Variants in NLRP1 observed in about 807,000 individuals in gnomAD.
The protein encoded by NLRP1 is NLR family pyrin domain containing 1, also known as NACHT, LRR and PYD domains-containing protein 1.
In NLRP1, 94 loss-of-function variants were observed where a neutral mutation model predicts 136.7. That is an observed-to-expected ratio of 0.69 (90% CI 0.58 to 0.82). The LOEUF is 0.82. NLRP1 is among the 40% of genes least tolerant of loss of function. The pLI is 0.00. For missense variants in NLRP1, 1,575 were observed against 1,802.7 expected (o/e 0.87, Z 2.29); for synonymous variants, 690 against 725.1 (o/e 0.95, Z 0.78).
chr17:5,519,901 G>A (rs11651945), intron 14 of NLRP1, among the ~76,000 whole-genome samples: 15 of 122,106 alleles, frequency 1.2e-4, no homozygotes, highest in African/African-American at 4.9e-4. Flanking sequence ...CTATCACCTA[G>A]GCTGGAGTGC....
intron 12 of NLRP1, among the ~76,000 whole-genome samples, chr17:5,526,869 C>T (rs1909616336): frequency 6.6e-6 from 1 of 152,192 alleles, no homozygotes; most frequent in African/African-American, 2.4e-5. Context: ...AGGCTGAAAG[C>T]CTCAAGCTCT....
At chr17:5,574,946 G>A (rs1904858931) in intron 3 of NLRP1, among the ~76,000 whole-genome samples, 1 of 152,064 alleles carries the variant, frequency 6.6e-6, no homozygotes, top group African/African-American at 2.4e-5. Flanking sequence ...TTACAGGTGT[G>A]AGCCACCACG....
At chr17:5,507,400 A>C (rs1358159948) in intron 15 of NLRP1, among the ~76,000 whole-genome samples, 1 of 152,220 alleles carries the variant, frequency 6.6e-6, no homozygotes, top group Admixed American at 6.5e-5. Flanking sequence ...GCCATTAAAG[A>C]ATCAAGAAAT....
chr17:5,530,447 A>G lies in NLRP1; in HGVS notation c.3520+34T>C, dbSNP rs777466878. The G allele has an allele frequency of 3.2e-6, 5 of 1,582,094 alleles. No homozygotes were observed. In the Admixed American group the frequency reaches 6.7e-5, roughly 21 times the overall value. ...ACTCCCTTTCAGGCCCATAATTACC[A>G]CCACCTTCCTCCCTATCCTTCCCTG... On this transcript the variant is annotated intron_variant, in intron 12 of 16. Transcript: ENST00000572272.
At chr17:5,568,707 C>T (rs1206532178) in intron 3 of NLRP1, among the ~76,000 whole-genome samples, 2 of 152,102 alleles carry the variant, frequency 1.3e-5, no homozygotes, top group East Asian at 1.9e-4. Context: ...AAAGGCTTTC[C>T]AGATTTGAAA....
At chr17:5,533,551 GTTTTTTTTT>G (rs35006823) in intron 9 of NLRP1, among the ~76,000 whole-genome samples, 167 bp from the exon 10 acceptor site, 5 of 90,018 alleles carry the variant, frequency 5.6e-5, no homozygotes, top group Non-Finnish European at 8.5e-5. Flanking sequence ...GTGAGACTCT[GTTTTTTTTT>G]TTTTTTTTTT....
Position 5,541,755 on chromosome 17 carries a change from T to A in NLRP1, c.2699+102A>T. On this transcript the variant is annotated intron_variant, in intron 6 of 16. Coordinates refer to ENST00000572272, the MANE Select transcript of NLRP1 (RefSeq NM_033004.4). The surrounding 1 kb of genome is among the most constrained non-coding windows in gnomAD (Gnocchi z 4.2). ...CTGAGATCCTGTAGGCTCCTCCCACTCCCACAAAGCAGGTCTCACCTTCTC... is the reference window on the plus strand; with the variant it reads ...CTGAGATCCTGTAGGCTCCTCCCACACCCACAAAGCAGGTCTCACCTTCTC... 8.3e-7 allele frequency: 1 copy of A among 1,198,800 alleles called. No homozygotes were observed. The highest frequency in any genetic ancestry group is 1.9e-5 in the Admixed American group (1 of 51,658). The allele number at this position is 1,198,800 out of a possible 1,614,324, so 74.3% of individuals were successfully genotyped here.
intron 5 of NLRP1, among the ~76,000 whole-genome samples, chr17:5,544,586 G>A (rs1912318844): frequency 6.6e-6 from 1 of 152,198 alleles, no homozygotes; most frequent in South Asian, 2.1e-4. Flanking sequence ...GACAAACACT[G>A]CTAGTGTCCC....
At chr17:5,517,955 C>T (rs1460958924) in intron 14 of NLRP1, 68 bp from the exon 15 acceptor site, 1 of 1,515,150 alleles carries the variant, frequency 6.6e-7, no homozygotes, top group East Asian at 2.3e-5. Flanking sequence ...CCACCTGACA[C>T]CTTCTTGGCC....
chr17:5,534,669 C>T (rs1910789523), intron 8 of NLRP1, among the ~76,000 whole-genome samples: 2 of 152,296 alleles, frequency 1.3e-5, no homozygotes, highest in South Asian at 2.1e-4. Flanking sequence ...TGCTTCTGCT[C>T]GGGTCCCTCT....
Position 5,584,044 on chromosome 17 carries a change from C to T in NLRP1, c.-87G>A. On this transcript the variant is annotated 5_prime_UTR_variant, in exon 1 of 17. Coordinates refer to ENST00000572272, the MANE Select transcript of NLRP1 (RefSeq NM_033004.4). ...GGCAGAGAACAGTGCTGTCCTTTGC[C>T]TTGGCTCTTACCGTCTCTTATTCAG... 7.5e-7 allele frequency: 1 copy of T among 1,335,742 alleles called. No individual in the cohort carries two copies. The highest frequency in any genetic ancestry group is 1.0e-6 in the Non-Finnish European group (1 of 981,938). 82.7% of individuals were successfully genotyped at this position (1,335,742 alleles called of 1,614,324 possible). A position where few individuals can be genotyped will look rare whatever the true frequency, so the allele number is the denominator to read the frequency against.
intron 15 of NLRP1, chr17:5,502,522 C>T (rs927296362): frequency 5.9e-5 from 9 of 153,738 alleles, no homozygotes; most frequent in African/African-American, 2.2e-4. Flanking sequence ...ACTTCCTGAC[C>T]TCAAGTGATC....
At chr17:5,524,533 A>C (rs1909293889) in intron 12 of NLRP1, among the ~76,000 whole-genome samples, 1 of 152,216 alleles carries the variant, frequency 6.6e-6, no homozygotes. Flanking sequence ...AAAGCGTGTG[A>C]GATGGTATGA....
chr17:5,532,879 C>G lies in NLRP1; in HGVS notation c.3239G>C (p.Trp1080Ser), dbSNP rs1293757516. The stretch of plus-strand genomic sequence containing the variant: ...AGTAGCCACAGGCCCCGTGGGGCCC[C>G]AGAAGTCATCGTCAGTCCCCAAAGG... Reference protein sequence around the residue: ...TKPLGTDDDFWGPTGPVATEV... With the variant: ...TKPLGTDDDFSGPTGPVATEV... Residue 1080 changes from tryptophan to serine, a missense_variant, in exon 11 of 17, where the codon TGG (tryptophan) becomes TCG (serine). Physicochemically the swap from Trp to Ser is radical, Grantham distance 177. Coordinates refer to ENST00000572272, the MANE Select transcript of NLRP1 (RefSeq NM_033004.4). The G allele has an allele frequency of 1.9e-6, 3 of 1,613,720 alleles. No individual in the cohort carries two copies. Among genetic ancestry groups the G allele is most frequent in the Non-Finnish European group, 1.7e-6 (2 of 1,179,786 alleles).
At position 5,559,838 on chromosome 17, in the gene NLRP1, T is replaced by C. The variant is rs1305905392; in HGVS notation, c.858A>G (p.Arg286=). ...QKFTQLLLLQ[R]PHPRSQDPLV... ...GGGGATCTTGGCTTCTGGGGTGAGGTCTTTGTAGAAGTAGCAGCTGTGTGA... is the reference window on the plus strand; with the variant it reads ...GGGGATCTTGGCTTCTGGGGTGAGGCCTTTGTAGAAGTAGCAGCTGTGTGA... The change falls in exon 4 of 17, where the codon AGA becomes AGG. Residue 286 remains arginine (R), a synonymous_variant. Transcript: ENST00000572272. 6.2e-7 allele frequency: 1 copy of C among 1,614,102 alleles called. No individual in the cohort carries two copies. Among genetic ancestry groups the C allele is most frequent in the African/African-American group, 1.3e-5 (1 of 74,936 alleles).
At chr17:5,566,450 T>G (rs1301879710) in intron 3 of NLRP1, among the ~76,000 whole-genome samples, 3 of 152,134 alleles carry the variant, frequency 2.0e-5, no homozygotes, top group African/African-American at 7.2e-5. Flanking sequence ...ATTGTTTAAT[T>G]TTCATGTATT....
At position 5,517,878 on chromosome 17, in the gene NLRP1, G is replaced by A; in HGVS notation, c.3925C>T (p.Leu1309Phe). Reference protein sequence around the residue: ...MLEILPKELELCYRSPGEDQL... With the variant: ...MLEILPKELEFCYRSPGEDQL... ...TCTTCTCCAGGGCTTCGATAGCAGA[G>A]CTCCAGTTCCTGAAGAGGCAAAGAG... Residue 1309 changes from leucine to phenylalanine, a missense_variant, in exon 15 of 17, where the codon CTC becomes TTC. Transcript: ENST00000572272. 1 of 1,614,096 alleles carries A rather than the reference G, an allele frequency of 6.2e-7. No homozygotes were observed. Among genetic ancestry groups the A allele is most frequent in the Non-Finnish European group, 8.5e-7 (1 of 1,180,012 alleles).
Position 5,517,768 on chromosome 17 carries a change from C to T in NLRP1, c.4035G>A (p.Val1345=). The part of the protein sequence containing the change: ...QVKDKKDETL[V]WEALVKPGDL... ...TACCTGGTTTCACCAAGGCCTCCCA[C>T]ACCAGAGTCTCATCTTTCTTGTCTT... The change falls in exon 15 of 17, where the codon GTG becomes GTA. Residue 1345 remains valine, a synonymous_variant. Transcript: ENST00000572272. 6.2e-7 allele frequency: 1 copy of T among 1,614,244 alleles called. No homozygotes were observed. Among genetic ancestry groups the T allele is most frequent in the Non-Finnish European group, 8.5e-7 (1 of 1,180,044 alleles).
chr17:5,539,662 C>T (rs1455540905), intron 6 of NLRP1, 77 bp from the exon 7 acceptor site: 2 of 1,431,360 alleles, frequency 1.4e-6, no homozygotes, highest in Non-Finnish European at 1.8e-6. Flanking sequence ...TCTGATCTTC[C>T]TTCTCAGCAT....
Sources: gnomAD v4.1 joint callset for allele counts (sites outside exome capture counted in the v4.1 genomes callset) on GRCh38, gnomAD v4.1.1 for gene constraint, Gnocchi (gnomAD v3.1) non-coding constraint, MANE v1.5 for transcripts, NCBI Gene and HGNC (gene_info 2026-07-23, HGNC 2026-07-21) for gene names.